Variants in SEMA6D observed in about 807,000 individuals in gnomAD.
SEMA6D encodes the protein semaphorin 6D.
Under a neutral mutation model 106.6 loss-of-function variants are expected in SEMA6D, and 35 were observed. The ratio of observed to expected loss-of-function variants is 0.33; its 90% CI spans 0.25 to 0.44. The LOEUF (loss-of-function observed/expected upper bound fraction) is 0.44. Ranked by LOEUF, SEMA6D falls within the 20% of genes least tolerant of loss-of-function variation. The pLI is 1.00. For missense variants in SEMA6D, 1,185 were observed against 1,345.9 expected (o/e 0.88, Z 1.87); for synonymous variants, 499 against 487.7 (o/e 1.02, Z -0.31).
chr15:47,653,321 C>T (rs1022911958), intron 4 of SEMA6D, among the ~76,000 whole-genome samples: 36 of 152,076 alleles, frequency 2.4e-4, no homozygotes, highest in African/African-American at 8.0e-4. Flanking sequence ...CTTGACTCTG[C>T]GGGAAATAAT....
At chr15:47,551,120 T>C (rs546426439) in intron 3 of SEMA6D, among the ~76,000 whole-genome samples, 1 of 152,302 alleles carries the variant, frequency 6.6e-6, no homozygotes, top group East Asian at 1.9e-4. Flanking sequence ...TTTGATTGCA[T>C]TGATTCAAAC....
intron 3 of SEMA6D, among the ~76,000 whole-genome samples, chr15:47,470,852 G>A (rs1455144127): frequency 6.6e-6 from 1 of 152,122 alleles, no homozygotes; most frequent in Non-Finnish European, 1.5e-5. Context: ...CACTGCCCAA[G>A]CACACCGTTT....
chr15:47,232,310 A>G (rs1166743301), intron 1 of SEMA6D, among the ~76,000 whole-genome samples: 1 of 151,938 alleles, frequency 6.6e-6, no homozygotes, highest in Non-Finnish European at 1.5e-5. Flanking sequence ...TGTAATAAAC[A>G]TTTGTGGTGA....
chr15:47,472,441 T>C (rs559798288), intron 3 of SEMA6D, among the ~76,000 whole-genome samples: 30 of 152,224 alleles, frequency 2.0e-4, no homozygotes, highest in Admixed American at 1.8e-3. Context: ...TATTTTTCTC[T>C]CAAACAGAAA....
At chr15:47,450,618 A>G (rs2042162174) in intron 2 of SEMA6D, among the ~76,000 whole-genome samples, 2 of 151,978 alleles carry the variant, frequency 1.3e-5, no homozygotes, top group Non-Finnish European at 2.9e-5. Context: ...TGTGTGCTGG[A>G]TATCTCATAA....
At chr15:47,370,708 A>T (rs2039239776) in intron 1 of SEMA6D, among the ~76,000 whole-genome samples, 2 of 74,580 alleles carry the variant, frequency 2.7e-5, no homozygotes, top group South Asian at 4.6e-4. Context: ...AAAAAAAAAA[A>T]AATTTGATGG....
chr15:47,471,931 TCACACA>T (rs1168586101), intron 3 of SEMA6D, among the ~76,000 whole-genome samples: 4,973 of 121,374 alleles, frequency 0.041, 107 homozygotes, highest in Middle Eastern at 0.06. Flanking sequence ...TCTCTCTCTC[TCACACA>T]CACACACACA....
intron 4 of SEMA6D, among the ~76,000 whole-genome samples, chr15:47,661,146 C>T (rs2077909221): frequency 6.6e-6 from 1 of 152,200 alleles, no homozygotes; most frequent in Non-Finnish European, 1.5e-5. Context: ...GTCTTCTTCC[C>T]TTCCTACTCA....
At chr15:47,530,920 G>T (rs914773646) in intron 3 of SEMA6D, among the ~76,000 whole-genome samples, 2 of 152,144 alleles carry the variant, frequency 1.3e-5, no homozygotes, top group African/African-American at 4.8e-5. Flanking sequence ...ATAATTAAAT[G>T]AAATAATTCA....
At chr15:47,353,759 T>C (rs955686) in intron 1 of SEMA6D, among the ~76,000 whole-genome samples, 71,002 of 151,994 alleles carry the variant, frequency 0.47, 19,703 homozygotes, top group South Asian at 0.61. Context: ...AACATTTATC[T>C]AGAAAGAATG....
At chr15:47,749,335 C>T (rs1361476621) in intron 1 of SEMA6D, among the ~76,000 whole-genome samples, 1 of 152,124 alleles carries the variant, frequency 6.6e-6, no homozygotes, top group Admixed American at 6.6e-5. Context: ...ACCACCTTGG[C>T]CTCCCAGATT....
rs1262583228 is a variant in SEMA6D, at chr15:47,675,764, G to A, written c.-55+74868G>A. On this transcript the variant is annotated intron_variant, in intron 4 of 19. Coordinates refer to the SEMA6D transcript ENST00000558014. ...TCTGTCTTTCTGTTTCACCATCCTG[G>A]CACTGGCTTCTGTGGTGGTTCTGGG... is the stretch of plus-strand genomic sequence containing the variant. Among the ~76,000 whole-genome samples the A allele has an allele frequency of 2.0e-5, 3 of 152,252 alleles. No individual in the cohort carries two copies. In the East Asian group the frequency reaches 5.8e-4, roughly 29 times the overall value.
intron 3 of SEMA6D, among the ~76,000 whole-genome samples, chr15:47,568,683 C>T (rs777330985): frequency 1.3e-5 from 2 of 151,954 alleles, no homozygotes. Flanking sequence ...CAGTGAGTTT[C>T]GTATTTTGTT....
chr15:47,514,198 C>T (rs2044317303), intron 3 of SEMA6D, among the ~76,000 whole-genome samples: 1 of 152,122 alleles, frequency 6.6e-6, no homozygotes, highest in African/African-American at 2.4e-5. Flanking sequence ...TCAAGTCTTC[C>T]TCTATGTTTT....
At chr15:47,609,398 A>C (rs991885625) in intron 4 of SEMA6D, among the ~76,000 whole-genome samples, 1 of 152,212 alleles carries the variant, frequency 6.6e-6, no homozygotes, top group Non-Finnish European at 1.5e-5. Flanking sequence ...TTGGAGCTTG[A>C]TGTAATGTAC....
intron 1 of SEMA6D, among the ~76,000 whole-genome samples, chr15:47,303,869 T>G (rs2142998004): frequency 6.6e-6 from 1 of 152,268 alleles, no homozygotes; most frequent in East Asian, 1.9e-4. Context: ...TGCTTATGCC[T>G]GAGAGCTCAG....
chr15:47,286,208 C>T (rs2035353890), intron 1 of SEMA6D, among the ~76,000 whole-genome samples: 1 of 152,136 alleles, frequency 6.6e-6, no homozygotes, highest in African/African-American at 2.4e-5. Flanking sequence ...TAGATTCTTC[C>T]AGTCTACAGA....
chr15:47,488,439 C>G (rs986320011), intron 3 of SEMA6D, among the ~76,000 whole-genome samples: 2 of 151,170 alleles, frequency 1.3e-5, no homozygotes, highest in Non-Finnish European at 2.9e-5. Flanking sequence ...TCTTGGAGAT[C>G]TTTTCATATC....
At chr15:47,714,552 T>C (rs756245292), upstream of SEMA6D, among the ~76,000 whole-genome samples, 1 of 152,220 alleles carries the variant, frequency 6.6e-6, no homozygotes, top group Non-Finnish European at 1.5e-5. Context: ...CAAACTGGAC[T>C]GTAAACAAAA....
Sources: gnomAD v4.1 joint callset for allele counts (sites outside exome capture counted in the v4.1 genomes callset) on GRCh38, gnomAD v4.1.1 for gene constraint, MANE v1.5 for transcripts, NCBI Gene and HGNC (gene_info 2026-07-23, HGNC 2026-07-21) for gene names.